The following SDK1 variants were observed in gnomAD, a reference collection of about 807,000 sequenced individuals.
SDK1 encodes the protein sidekick cell adhesion molecule 1.
Under a neutral mutation model 245.5 loss-of-function variants are expected in SDK1, and 157 were observed. The observed-to-expected ratio is 0.64, with a 90% confidence interval of 0.56 to 0.73. SDK1 has a LOEUF of 0.73. SDK1 is among the 30% of genes least tolerant of loss of function. The pLI is 0.00. For synonymous variants in SDK1, 1,647 were observed against 1,278.5 expected (o/e 1.29, Z -6.15); for missense variants, 3,583 against 3,002.3 (o/e 1.19, Z -4.52).
At chr7:3,336,361 C>T (rs990738073) in intron 1 of SDK1, among the ~76,000 whole-genome samples, 3 of 152,160 alleles carry the variant, frequency 2.0e-5, no homozygotes, top group South Asian at 2.1e-4. Context: ...GCTGATCTTC[C>T]ACCCTCTGCC....
At chr7:4,021,413 G>A (rs770125754) in intron 17 of SDK1, among the ~76,000 whole-genome samples, 1 of 152,186 alleles carries the variant, frequency 6.6e-6, no homozygotes, top group African/African-American at 2.4e-5. Context: ...TAGGAATAGT[G>A]TCTGGCTGCT....
intron 5 of SDK1, among the ~76,000 whole-genome samples, chr7:3,824,268 C>T (rs1779716335): frequency 1.3e-5 from 2 of 152,198 alleles, no homozygotes; most frequent in South Asian, 4.2e-4. Flanking sequence ...CTGATGTAGG[C>T]TTTTGTGGAA....
intron 32 of SDK1, 67 bp from the exon 33 acceptor site, chr7:4,174,155 G>T: frequency 6.4e-7 from 1 of 1,568,402 alleles, no homozygotes. Flanking sequence ...GGGTGGAGGT[G>T]AGCCCTGCTG....
At chr7:3,459,096 C>T (rs1780757226) in intron 1 of SDK1, among the ~76,000 whole-genome samples, 1 of 152,168 alleles carries the variant, frequency 6.6e-6, no homozygotes, top group African/African-American at 2.4e-5. Flanking sequence ...TGACCTGGGA[C>T]AATTGACATC....
At chr7:3,745,027 G>C (rs543735460) in intron 4 of SDK1, among the ~76,000 whole-genome samples, 12 of 152,208 alleles carry the variant, frequency 7.9e-5, no homozygotes, top group Non-Finnish European at 1.5e-4. Flanking sequence ...CGGCCTCCAT[G>C]TGATGATCAT....
At chr7:3,723,846 G>A (rs886859373) in intron 4 of SDK1, among the ~76,000 whole-genome samples, 44 of 131,286 alleles carry the variant, frequency 3.4e-4, no homozygotes, top group African/African-American at 1.2e-3. Context: ...GTATATACAC[G>A]TACATATACA....
intron 5 of SDK1, among the ~76,000 whole-genome samples, chr7:3,903,405 C>G (rs1391566544): frequency 1.3e-5 from 2 of 152,082 alleles, no homozygotes; most frequent in East Asian, 3.9e-4. Context: ...CTCGGCCTCC[C>G]AAAGTGCTTG....
intron 1 of SDK1, among the ~76,000 whole-genome samples, chr7:3,395,625 A>G (rs938217493): frequency 3.3e-5 from 5 of 151,888 alleles, no homozygotes; most frequent in African/African-American, 1.2e-4. Context: ...CTGAGCCTGG[A>G]CTTTTCTTTG....
At chr7:3,724,920 A>G (rs1395623839) in intron 4 of SDK1, among the ~76,000 whole-genome samples, 1 of 152,240 alleles carries the variant, frequency 6.6e-6, no homozygotes, top group Non-Finnish European at 1.5e-5. Context: ...TGGAAATACA[A>G]TTCCTGGCTG....
intron 1 of SDK1, among the ~76,000 whole-genome samples, chr7:3,485,251 A>G (rs1011330280): frequency 1.3e-5 from 2 of 152,192 alleles, no homozygotes; most frequent in Admixed American, 1.3e-4. Context: ...CTTAATGACT[A>G]GTGATATTGA....
In SDK1 at chr7:3,435,877, G is replaced by C. The variant is rs374285262; in HGVS notation, c.298+133993G>C. Reference sequence around the variant, plus strand: ...TATATTTCCAGCCCTAACCTCTCCAGTGATCATTTGTTAACAAGATTGTGT... The same window carrying C: ...TATATTTCCAGCCCTAACCTCTCCACTGATCATTTGTTAACAAGATTGTGT... On this transcript the variant is annotated intron_variant, in intron 1 of 44. Coordinates refer to ENST00000404826, the MANE Select transcript of SDK1 (RefSeq NM_152744.4). 1.5e-3 allele frequency among the ~76,000 whole-genome samples: 229 copies of C among 152,268 alleles called. 5 individuals are homozygous for C. The South Asian group carries it at 0.047, about 31-fold the overall frequency.
chr7:3,460,706 GT>G (rs1338527136), intron 1 of SDK1, among the ~76,000 whole-genome samples: 1 of 152,132 alleles, frequency 6.6e-6, no homozygotes, highest in African/African-American at 2.4e-5. Flanking sequence ...AAGTGGCTTT[GT>G]TTAATCATTG....
intron 4 of SDK1, among the ~76,000 whole-genome samples, chr7:3,814,626 G>A (rs1185998394): frequency 2.0e-5 from 3 of 152,058 alleles, no homozygotes; most frequent in African/African-American, 7.3e-5. Flanking sequence ...GAACTTTAAA[G>A]TAGTTTTTTC....
At chr7:3,312,374 C>T (rs1051457677) in intron 1 of SDK1, among the ~76,000 whole-genome samples, 10 of 151,788 alleles carry the variant, frequency 6.6e-5, no homozygotes, top group Non-Finnish European at 7.4e-5. Context: ...AATGAATCAC[C>T]GTGAAGGAGA....
rs753606856 is a variant in SDK1 at position 3,579,897 on chromosome 7, C to T, written c.299-39183C>T. Among the ~76,000 whole-genome samples the T allele has an allele frequency of 2.6e-5, 4 of 152,196 alleles. No individual in the cohort carries two copies. In the East Asian group the frequency reaches 5.8e-4, roughly 22 times the overall value. On this transcript the variant is annotated intron_variant, in intron 1 of 44. Coordinates refer to ENST00000404826, the MANE Select transcript of SDK1 (RefSeq NM_152744.4). ...CCCAGAGGTGCCTTGGGTGAGTCAT[C>T]ATCTTGGCCCAAAGTGTTCTTCAGC...
At chr7:4,125,671 C>T (rs1784352033) in intron 25 of SDK1, among the ~76,000 whole-genome samples, 1 of 152,218 alleles carries the variant, frequency 6.6e-6, no homozygotes, top group South Asian at 2.1e-4. Flanking sequence ...TGCTTCTACT[C>T]ACCTCTGTGT....
chr7:3,371,999 C>G (rs777641310), intron 1 of SDK1, among the ~76,000 whole-genome samples: 1 of 152,170 alleles, frequency 6.6e-6, no homozygotes, highest in African/African-American at 2.4e-5. Flanking sequence ...CTATTAAATG[C>G]TAGGAATCTG....
intron 5 of SDK1, among the ~76,000 whole-genome samples, chr7:3,948,030 G>C (rs1780648152): frequency 6.6e-6 from 1 of 152,112 alleles, no homozygotes; most frequent in African/African-American, 2.4e-5. Flanking sequence ...TTTTTTAAAG[G>C]AAGAAAATAT....
chr7:4,181,241 G>C (rs1782586963), intron 35 of SDK1, among the ~76,000 whole-genome samples: 1 of 152,252 alleles, frequency 6.6e-6, no homozygotes, highest in South Asian at 2.1e-4. Flanking sequence ...TGAGGTTTTT[G>C]AGGTTCAACC....
Sources: gnomAD v4.1 joint callset for allele counts (sites outside exome capture counted in the v4.1 genomes callset) on GRCh38, gnomAD v4.1.1 for gene constraint, MANE v1.5 for transcripts, NCBI Gene and HGNC (gene_info 2026-07-23, HGNC 2026-07-21) for gene names.